The following MYH15 variants were observed in gnomAD, a reference collection of about 807,000 sequenced individuals.
MYH15 encodes the protein myosin-15.
In MYH15, 227 loss-of-function variants were observed where a neutral mutation model predicts 240.5. The ratio of observed to expected loss-of-function variants is 0.94; its 90% CI spans 0.85 to 1.05. MYH15 has a LOEUF of 1.05. Among genes scored for constraint, MYH15 ranks in the 50% least tolerant of loss-of-function variants. MYH15 has a pLI of 0.00. For synonymous variants in MYH15, 785 were observed against 796.7 expected, an observed-to-expected ratio of 0.99 and a Z score of 0.25; for missense variants, 2,217 against 2,247.5, an observed-to-expected ratio of 0.99 and a Z score of 0.27.
At chr3:108,510,677 G>A, upstream of MYH15, 2 of 1,306,250 alleles carry the variant, frequency 1.5e-6, no homozygotes, top group Non-Finnish European at 2.1e-6. Flanking sequence ...ATAGACTAAA[G>A]AGTGTTAAGT....
intron 38 of MYH15, 99 bp from the exon 39 acceptor site, chr3:108,384,881 T>A: frequency 9.9e-7 from 1 of 1,005,776 alleles, no homozygotes; most frequent in Non-Finnish European, 1.5e-6. Context: ...GGAACTTTAT[T>A]AAACATCATC....
intron 1 of MYH15, among the ~76,000 whole-genome samples, chr3:108,528,089 G>C (rs1349995412): frequency 6.6e-6 from 1 of 152,068 alleles, no homozygotes; most frequent in East Asian, 1.9e-4. Flanking sequence ...AAGCCCTCAT[G>C]ACCTAATCGC....
rs568612370 is a variant in MYH15, at chr3:108,411,945, C to T, written c.4146-1013G>A. On this transcript the variant is annotated intron_variant, in intron 30 of 40. Coordinates refer to ENST00000693548, the MANE Select transcript of MYH15 (RefSeq NM_014981.3). ...CTGCCCCCGGCTTCCTAGCCATACT[C>T]ACTTCACTTTTCTGCTTCATGTTTC... Among the ~76,000 whole-genome samples, 3 of 152,330 alleles carry T rather than the reference C, an allele frequency of 2.0e-5. No homozygotes were observed. The South Asian group carries it at 6.2e-4, about 32-fold the overall frequency.
rs371322516 is a variant in MYH15, at chr3:108,410,740, G to A, written c.4338C>T (p.Ala1446=). The A allele has an allele frequency of 1.5e-5, 24 of 1,613,998 alleles. No homozygotes were observed. The highest frequency in any genetic ancestry group is 4.0e-5 in the African/African-American group (3 of 74,932). ...QKQLQSGKAL[A]DWKQKHEESQ... ...ACTCCTCGTGCTTCTGCTTCCAGTC[G>A]GCAAGGGCCTTGCCAGACTGCAGCT... The change falls in exon 31 of 41, where the codon GCC becomes GCT. Residue 1446 remains alanine, a synonymous_variant. Coordinates refer to ENST00000693548, the MANE Select transcript of MYH15 (RefSeq NM_014981.3).
At chr3:108,505,495 C>T (rs1175746426) in intron 2 of MYH15, among the ~76,000 whole-genome samples, 1 of 152,098 alleles carries the variant, frequency 6.6e-6, no homozygotes, top group Non-Finnish European at 1.5e-5. Context: ...CTCTCAAACT[C>T]CTGGGCTCAA....
chr3:108,391,664 G>T, intron 37 of MYH15, 96 bp downstream of exon 37: 2 of 1,256,964 alleles, frequency 1.6e-6, no homozygotes, highest in Non-Finnish European at 2.2e-6. Flanking sequence ...GTGATAAAGG[G>T]TATGTGTGTT....
chr3:108,463,950 A>G (rs910913051), intron 15 of MYH15, among the ~76,000 whole-genome samples: 5 of 151,194 alleles, frequency 3.3e-5, no homozygotes, highest in African/African-American at 1.2e-4. Context: ...TCTGACATAC[A>G]GTGAACATTC....
intron 18 of MYH15, among the ~76,000 whole-genome samples, chr3:108,458,535 A>C (rs2107579750): frequency 6.6e-6 from 1 of 152,290 alleles, no homozygotes; most frequent in South Asian, 2.1e-4. Flanking sequence ...CAGAGATCAG[A>C]ACCAGCAACA....
chr3:108,403,673 C>T (rs960580090), intron 33 of MYH15, among the ~76,000 whole-genome samples: 2 of 152,104 alleles, frequency 1.3e-5, no homozygotes, highest in African/African-American at 4.8e-5. Context: ...TCTTTTCTTT[C>T]TGGATCTACC....
chr3:108,480,255 C>T (rs2083256282), intron 11 of MYH15, among the ~76,000 whole-genome samples: 1 of 152,014 alleles, frequency 6.6e-6, no homozygotes, highest in African/African-American at 2.4e-5. Flanking sequence ...TTTTTGTAGG[C>T]AAATATGGGA....
upstream of MYH15, among the ~76,000 whole-genome samples, chr3:108,533,253 T>C (rs1232665773): frequency 6.6e-6 from 1 of 150,398 alleles, no homozygotes; most frequent in African/African-American, 2.4e-5. Flanking sequence ...CAGGCAGAAG[T>C]GCATGCCAGA....
intron 27 of MYH15, among the ~76,000 whole-genome samples, chr3:108,425,874 G>A (rs757330841): frequency 6.6e-6 from 1 of 152,206 alleles, no homozygotes; most frequent in African/African-American, 2.4e-5. Flanking sequence ...AGACAGTAAA[G>A]GCAATTCTGC....
intron 21 of MYH15, among the ~76,000 whole-genome samples, chr3:108,446,129 G>A (rs994773702): frequency 6.6e-6 from 1 of 152,026 alleles, no homozygotes; most frequent in African/African-American, 2.4e-5. Context: ...CACAGACCCA[G>A]GCCCCAGACC....
intron 15 of MYH15, 132 bp downstream of exon 15, chr3:108,464,506 G>T: frequency 1.1e-6 from 1 of 926,748 alleles, no homozygotes; most frequent in Non-Finnish European, 1.6e-6. Flanking sequence ...CCTTTTTTGT[G>T]GAACTGAGAT....
At chr3:108,550,068 C>T in the MYH15 span, 1 of 151,736 alleles carries the variant, frequency 6.6e-6, no homozygotes, top group African/African-American at 2.4e-5. Flanking sequence ...TTAAATCAAA[C>T]AGACATATGG....
At chr3:108,430,980 T>C (rs1369426074) in intron 25 of MYH15, 58 bp from the exon 26 acceptor site, 68 of 1,197,444 alleles carry the variant, frequency 5.7e-5, no homozygotes, top group Non-Finnish European at 7.5e-5. Flanking sequence ...TTGTTTAAAG[T>C]AGTTAGAATT....
Position 108,454,014 on chromosome 3 carries a change from C to T in MYH15, c.2391G>A (p.Leu797=). The change falls in exon 21 of 41, where the codon CTG becomes CTA. Residue 797 remains leucine (L), a synonymous_variant. Transcript: ENST00000693548. ...GGGTGGGCATATAATACCTTTCTTC[C>T]AGAATCTTCTGGAATTTGATTCGCA... The part of the protein sequence containing the change: ...KLMRIKFQKI[L]EERDALILIQ... 1 of 1,610,656 alleles carries T rather than the reference C, an allele frequency of 6.2e-7. No homozygotes were observed. Among genetic ancestry groups the T allele is most frequent in the Non-Finnish European group, 8.5e-7 (1 of 1,177,682 alleles).
intron 36 of MYH15, 43 bp downstream of exon 36, chr3:108,393,988 G>T (rs1294522301): frequency 6.2e-7 from 1 of 1,612,144 alleles, no homozygotes; most frequent in South Asian, 1.1e-5. Flanking sequence ...CTGCGCCAGT[G>T]AACTCTGGGA....
intron 18 of MYH15, among the ~76,000 whole-genome samples, chr3:108,457,154 A>G (rs1188642988): frequency 6.6e-6 from 1 of 152,166 alleles, no homozygotes; most frequent in Non-Finnish European, 1.5e-5. Context: ...TTATAAGCAA[A>G]TATTCTTGGA....
Sources: allele counts gnomAD v4.1 joint callset (sites outside exome capture counted in the v4.1 genomes callset), GRCh38; gene constraint gnomAD v4.1.1; transcripts MANE v1.5; gene names NCBI Gene and HGNC (gene_info 2026-07-23, HGNC 2026-07-21).